The following SFSWAP variants were observed in gnomAD, a reference collection of about 807,000 sequenced individuals.
The protein encoded by SFSWAP is splicing factor SWAP, also known as splicing factor, suppressor of white-apricot homolog.
SFSWAP carries 17 observed loss-of-function variants against 100.7 expected under a neutral mutation model. The ratio of observed to expected loss-of-function variants is 0.17; its 90% CI spans 0.12 to 0.25. The LOEUF is 0.25. Ranked by LOEUF, SFSWAP falls within the 10% of genes least tolerant of loss-of-function variation. The pLI is 1.00. For missense variants in SFSWAP, 1,005 were observed against 1,262.6 expected, an observed-to-expected ratio of 0.80 and a Z score of 3.09; for synonymous variants, 504 against 510.1, an observed-to-expected ratio of 0.99 and a Z score of 0.16.
intron 5 of SFSWAP, among the ~76,000 whole-genome samples, chr12:131,726,515 A>T (rs1054935231): frequency 1.3e-5 from 2 of 152,172 alleles, no homozygotes; most frequent in Admixed American, 1.3e-4. Context: ...CGGCCCTTCC[A>T]CTGAATTCTG....
intron 7 of SFSWAP, among the ~76,000 whole-genome samples, chr12:131,735,545 G>A (rs536741943): frequency 3.3e-5 from 5 of 152,288 alleles, no homozygotes; most frequent in African/African-American, 7.2e-5. Flanking sequence ...CGAAGGTCTC[G>A]AGCCTCATAG....
intron 12 of SFSWAP, among the ~76,000 whole-genome samples, chr12:131,765,185 C>T (rs1883010762): frequency 6.6e-6 from 1 of 152,254 alleles, no homozygotes; most frequent in Admixed American, 6.5e-5. Flanking sequence ...ACACTGCTGG[C>T]AGCATGGGGA....
rs1489921302 is a variant in SFSWAP at position 131,739,478 on chromosome 12, T to C, written c.1081+11050T>C. ...TTGGTTCCTTTAAAGTATAGAAATA[T>C]TATTTTTATATTATGAGAGTTTATA... On this transcript the variant is annotated intron_variant, in intron 7 of 17. Transcript: ENST00000261674. Among the ~76,000 whole-genome samples the C allele has an allele frequency of 4.6e-5, 7 of 151,692 alleles. No homozygotes were observed. The East Asian group carries it at 1.2e-3, about 25-fold the overall frequency.
intron 7 of SFSWAP, among the ~76,000 whole-genome samples, chr12:131,738,281 G>A (rs1479362922): frequency 1.3e-5 from 2 of 152,168 alleles, no homozygotes; most frequent in Non-Finnish European, 2.9e-5. Flanking sequence ...TATGTCAAGA[G>A]AAGAAGGAAG....
intron 7 of SFSWAP, among the ~76,000 whole-genome samples, chr12:131,739,670 C>T (rs969335949): frequency 1.8e-4 from 27 of 151,226 alleles, no homozygotes; most frequent in African/African-American, 6.1e-4. Flanking sequence ...CTCAGCCTCC[C>T]GAGCAGCTGG....
chr12:131,742,723 G>GT (rs1367440805), intron 7 of SFSWAP, among the ~76,000 whole-genome samples: 1 of 151,596 alleles, frequency 6.6e-6, no homozygotes, highest in African/African-American at 2.4e-5. Flanking sequence ...TGATTTTATT[G>GT]TAAGTCTTGG....
chr12:131,768,735 C>T (rs1334159464), intron 13 of SFSWAP, among the ~76,000 whole-genome samples: 3 of 152,236 alleles, frequency 2.0e-5, no homozygotes, highest in African/African-American at 7.2e-5. Flanking sequence ...CGCCGTCTCA[C>T]AGCCTTTCCA....
At position 131,711,862 on chromosome 12, in the gene SFSWAP, A is replaced by G. The variant is rs2136169989; in HGVS notation, c.218+415A>G. ...TTGCCGCGCTCTCACTGCTCGGTGT[A>G]CTGGGAGGGTACCCTGGGAGGCGTG... On this transcript the variant is annotated intron_variant, in intron 1 of 17. Transcript: ENST00000261674. The surrounding 1 kb of genome is among the most constrained non-coding windows in gnomAD (Gnocchi z 4.9). 4.9e-6 allele frequency: 1 copy of G among 203,240 alleles called. No individual in the cohort carries two copies. Among genetic ancestry groups the G allele is most frequent in the African/African-American group, 2.3e-5 (1 of 42,944 alleles). 12.6% of individuals were successfully genotyped at this position (203,240 alleles called of 1,614,324 possible).
chr12:131,772,696 C>T (rs1027473366), intron 13 of SFSWAP, among the ~76,000 whole-genome samples: 2 of 152,312 alleles, frequency 1.3e-5, no homozygotes, highest in Admixed American at 6.5e-5. Flanking sequence ...TCTGTGACCC[C>T]TGGAGCCTCA....
intron 13 of SFSWAP, among the ~76,000 whole-genome samples, chr12:131,775,618 A>T (rs1883960209): frequency 6.6e-6 from 1 of 152,190 alleles, no homozygotes; most frequent in South Asian, 2.1e-4. Context: ...GGCCATAGCT[A>T]GGATGTTGAG....
At chr12:131,771,608 A>G (rs879300799) in intron 13 of SFSWAP, among the ~76,000 whole-genome samples, 5 of 149,560 alleles carry the variant, frequency 3.3e-5, no homozygotes, top group Admixed American at 3.3e-4. Flanking sequence ...TTTAACTTAC[A>G]TATTTAATGG....
In SFSWAP at chr12:131,725,563, C is replaced by A. The variant is rs772116751; in HGVS notation, c.765C>A (p.Phe255Leu). The A allele has an allele frequency of 4.3e-6, 7 of 1,614,044 alleles. No homozygotes were observed. The highest frequency in any genetic ancestry group is 1.7e-5 in the Admixed American group (1 of 59,994). The change falls in exon 5 of 18, where the codon TTC becomes TTA. Residue 255 changes from phenylalanine (F) to leucine (L), a missense_variant. By Grantham distance (22) the Phe-to-Leu change is conservative. This residue lies in a region of SFSWAP where 54 missense variants were observed against 51.9 expected (regional missense o/e 1.04). Coordinates refer to ENST00000261674, the MANE Select transcript of SFSWAP (RefSeq NM_004592.4). This position sits in a 1 kb window ranked among gnomAD's most constrained non-coding sequence, Gnocchi z 4.3. ...ACTACCTCAACCCCTACTATAAGTTCATCCAGAAAGCCATGAAAGAGGGAC... is the reference window on the plus strand; with the variant it reads ...ACTACCTCAACCCCTACTATAAGTTAATCCAGAAAGCCATGAAAGAGGGAC... ...FDHYLNPYYK[F>L]IQKAMKEGRY...
chr12:131,770,936 G>A (rs1263682237), intron 13 of SFSWAP, among the ~76,000 whole-genome samples: 3 of 152,228 alleles, frequency 2.0e-5, no homozygotes, highest in Non-Finnish European at 4.4e-5. Flanking sequence ...GGATTCTGCA[G>A]TGTCTGTGCT....
At position 131,797,378 on chromosome 12, in the gene SFSWAP, G is replaced by C. The variant is rs1173099633; in HGVS notation, c.2717+18G>C. The C allele has an allele frequency of 1.3e-6, 2 of 1,593,052 alleles. No homozygotes were observed. Among genetic ancestry groups the C allele is most frequent in the Admixed American group, 1.8e-5 (1 of 56,830 alleles). On this transcript the variant is annotated intron_variant, in intron 16 of 17. Transcript: ENST00000261674. ...CGCTCCAGGTAACCCCTGTCCTCCAGCAGCTCTCTCTGGGGAAAGGCAAGG... is the reference window on the plus strand; with the variant it reads ...CGCTCCAGGTAACCCCTGTCCTCCACCAGCTCTCTCTGGGGAAAGGCAAGG...
chr12:131,719,456 A>G lies in SFSWAP; in HGVS notation c.523A>G (p.Lys175Glu), dbSNP rs777324159. ...TTTTTAATTTTCTTTTTATGCAGAA[A>G]AAAATGAGGCCGAAAATTTAGAGGA... ...EEEEPSKQRE[K>E]NEAENLEENE... Residue 175 changes from lysine (K) to glutamate (E), a missense_variant and splice_region_variant, in exon 4 of 18, where the codon AAA becomes GAA. By Grantham distance (56) the Lys-to-Glu change is moderately conservative (BLOSUM62 1). This residue lies in a region of SFSWAP where 237 missense variants were observed against 337.0 expected (regional missense o/e 0.70). Coordinates refer to ENST00000261674, the MANE Select transcript of SFSWAP (RefSeq NM_004592.4). The G allele has an allele frequency of 1.2e-6, 2 of 1,614,018 alleles. No homozygotes were observed. The highest frequency in any genetic ancestry group is 2.2e-5 in the South Asian group (2 of 91,074).
chr12:131,799,368 G>C, intron 17 of SFSWAP, 55 bp from the exon 18 acceptor site: 2 of 1,554,042 alleles, frequency 1.3e-6, no homozygotes, highest in South Asian at 1.1e-5. Context: ...TCTTCACCAC[G>C]TGGGTTGTCT....
At position 131,725,673 on chromosome 12, in the gene SFSWAP, G is replaced by A; in HGVS notation, c.832+43G>A. 1.4e-6 allele frequency: 2 copies of A among 1,469,334 alleles called. No homozygotes were observed. Among genetic ancestry groups the A allele is most frequent in the South Asian group, 1.2e-5 (1 of 84,716 alleles). The allele number at this position is 1,469,334 out of a possible 1,614,324, so 91.0% of individuals were successfully genotyped here. A position where few individuals can be genotyped will look rare whatever the true frequency, so the allele number is the denominator to read the frequency against. ...TGTTCCGTCCAGACTTTGGGCCTGT[G>A]TTGTGGGGGCGGCAGGCTGGGTGGT... On this transcript the variant is annotated intron_variant, in intron 5 of 17. Transcript: ENST00000261674. This position sits in a 1 kb window ranked among gnomAD's most constrained non-coding sequence, Gnocchi z 4.3.
chr12:131,785,329 G>C, intron 14 of SFSWAP: 1 of 1,121,164 alleles, frequency 8.9e-7, no homozygotes. Context: ...AGCCACTCCT[G>C]GCCCTCCAGG....
Position 131,786,483 on chromosome 12 carries a change from G to A in SFSWAP, c.2429G>A (p.Arg810Gln), listed in dbSNP as rs745622896. Residue 810 changes from arginine to glutamine, a missense_variant, in exon 15 of 18, where the codon CGG becomes CAG. Arg to Gln is a conservative substitution (Grantham distance 43). Transcript: ENST00000261674. Reference sequence around the variant, plus strand: ...TCCAGGTCCCGCTCCCGGTCCCCTCGGAGGAGAGCCCACTCCCCTGAGAGA... The same window carrying A: ...TCCAGGTCCCGCTCCCGGTCCCCTCAGAGGAGAGCCCACTCCCCTGAGAGA... ...RRSRSRSRSP[R>Q]RRAHSPERRR... The A allele has an allele frequency of 3.2e-5, 51 of 1,587,066 alleles. No homozygotes were observed. Among genetic ancestry groups the A allele is most frequent in the East Asian group, 6.9e-5 (3 of 43,742 alleles).
Sources: gnomAD v4.1 joint callset for allele counts (sites outside exome capture counted in the v4.1 genomes callset) on GRCh38, gnomAD v4.1.1 for gene constraint, gnomAD v4.1.1 regional missense constraint, Gnocchi (gnomAD v3.1) non-coding constraint, MANE v1.5 for transcripts, NCBI Gene and HGNC (gene_info 2026-07-23, HGNC 2026-07-21) for gene names.